The following KIAA1328 variants were observed in gnomAD, a reference collection of about 807,000 sequenced individuals.
KIAA1328 encodes the protein KIAA1328.
KIAA1328 carries 52 observed loss-of-function variants against 68.1 expected under a neutral mutation model. The observed-to-expected ratio is 0.76, with a 90% CI of 0.61 to 0.96. The LOEUF (loss-of-function observed/expected upper bound fraction) is 0.96. Ranked by LOEUF, KIAA1328 falls within the 40% of genes least tolerant of loss-of-function variation. KIAA1328 has a pLI of 0.00. For synonymous variants in KIAA1328, 232 were observed against 239.4 expected, an observed-to-expected ratio of 0.97 and a Z score of 0.28; for missense variants, 641 against 677.6, an observed-to-expected ratio of 0.95 and a Z score of 0.60.
chr18:36,971,454 AC>A (rs1404780856), intron 6 of KIAA1328, among the ~76,000 whole-genome samples: 1 of 152,114 alleles, frequency 6.6e-6, no homozygotes, highest in East Asian at 1.9e-4. Context: ...ACATGGTGAA[AC>A]CCTGTCTCTA....
intron 6 of KIAA1328, among the ~76,000 whole-genome samples, chr18:37,006,119 T>C (rs936185240): frequency 2.6e-5 from 4 of 152,114 alleles, no homozygotes; most frequent in African/African-American, 9.7e-5. Flanking sequence ...ACACTAGGCA[T>C]TATATATGCA....
chr18:37,097,748 A>C (rs912896382), intron 7 of KIAA1328, among the ~76,000 whole-genome samples: 11 of 152,010 alleles, frequency 7.2e-5, no homozygotes, highest in Admixed American at 2.0e-4. Context: ...CTTTTATTTC[A>C]TTGAGCAGTG....
intron 9 of KIAA1328, among the ~76,000 whole-genome samples, chr18:37,194,617 CTG>C (rs1430175648): frequency 6.6e-6 from 1 of 152,114 alleles, no homozygotes; most frequent in Non-Finnish European, 1.5e-5. Flanking sequence ...TTATTTCACT[CTG>C]CATCTATTCC....
rs562582643 is a variant in KIAA1328, at chr18:37,101,844, G to A, written c.1232+34299G>A. 4.6e-5 allele frequency among the ~76,000 whole-genome samples: 7 copies of A among 152,322 alleles called. No homozygotes were observed. The South Asian group carries it at 1.2e-3, about 27-fold the overall frequency. ...TGGGCAGAAACTCTACAAGCCAGAC[G>A]AGAGTGGGGGCCAATATTCAACATT... On this transcript the variant is annotated intron_variant, in intron 7 of 9. Transcript: ENST00000280020.
intron 7 of KIAA1328, 39 bp downstream of exon 7, chr18:37,067,584 G>C: frequency 2.8e-6 from 4 of 1,433,274 alleles, no homozygotes; most frequent in Non-Finnish European, 3.6e-6. Context: ...TTTTTGAGAC[G>C]AAATCTCGCC....
At chr18:36,895,731 C>T (rs1298888868) in intron 5 of KIAA1328, 2 of 455,900 alleles carry the variant, frequency 4.4e-6, no homozygotes, top group South Asian at 1.6e-5. Context: ...GAAGCTCTAA[C>T]CCCCAGTGAG....
At chr18:36,964,258 A>G (rs1188955493) in intron 6 of KIAA1328, among the ~76,000 whole-genome samples, 1 of 152,222 alleles carries the variant, frequency 6.6e-6, no homozygotes, top group Non-Finnish European at 1.5e-5. Context: ...TATGCTAGAG[A>G]TGGTGGGCAA....
At chr18:36,843,828 G>A (rs1459650666) in intron 3 of KIAA1328, among the ~76,000 whole-genome samples, 1 of 152,134 alleles carries the variant, frequency 6.6e-6, no homozygotes, top group Admixed American at 6.6e-5. Context: ...AGTAACTGGT[G>A]CCTCTGCTGC....
chr18:37,042,333 A>C (rs1388772211), intron 6 of KIAA1328, among the ~76,000 whole-genome samples: 2 of 152,162 alleles, frequency 1.3e-5, no homozygotes, highest in Admixed American at 6.5e-5. Flanking sequence ...ATTTCTGTAG[A>C]CTCAAGTAAC....
At chr18:37,092,366 G>T (rs543200697) in intron 7 of KIAA1328, among the ~76,000 whole-genome samples, 2 of 152,122 alleles carry the variant, frequency 1.3e-5, no homozygotes, top group South Asian at 4.2e-4. Context: ...TTGTCAGCCT[G>T]TGTATTGACC....
At chr18:37,016,853 C>T (rs1158879124) in intron 6 of KIAA1328, among the ~76,000 whole-genome samples, 1 of 152,052 alleles carries the variant, frequency 6.6e-6, no homozygotes, top group Non-Finnish European at 1.5e-5. Flanking sequence ...TGGATCTTCT[C>T]TCTTCTTTTC....
intron 7 of KIAA1328, among the ~76,000 whole-genome samples, chr18:37,154,219 G>A (rs952302992): frequency 2.6e-5 from 4 of 152,158 alleles, no homozygotes; most frequent in African/African-American, 9.7e-5. Context: ...ACCCTAGACT[G>A]ATTAATTCAG....
chr18:37,215,915 G>T (rs902422059), intron 9 of KIAA1328, among the ~76,000 whole-genome samples: 5 of 152,282 alleles, frequency 3.3e-5, no homozygotes, highest in Admixed American at 2.0e-4. Flanking sequence ...ATTTCTTGTA[G>T]ATTTTCTAGT....
At chr18:36,904,883 A>G (rs954596589) in intron 5 of KIAA1328, among the ~76,000 whole-genome samples, 3 of 151,900 alleles carry the variant, frequency 2.0e-5, no homozygotes, top group Non-Finnish European at 4.4e-5. Context: ...TTCTGTATTT[A>G]GTGGTTGCTG....
chr18:36,895,414 G>A (rs1186985437), intron 5 of KIAA1328, among the ~76,000 whole-genome samples: 3 of 152,204 alleles, frequency 2.0e-5, no homozygotes, highest in Non-Finnish European at 4.4e-5. Flanking sequence ...GGGCGTCTAT[G>A]TGAAGGGATG....
At chr18:36,949,714 G>A (rs1386693235) in intron 5 of KIAA1328, among the ~76,000 whole-genome samples, 2 of 149,968 alleles carry the variant, frequency 1.3e-5, no homozygotes, top group Non-Finnish European at 2.9e-5. Context: ...CGTGGCTCAT[G>A]TTTTTGTTCA....
chr18:36,843,193 G>A (rs894807084), intron 3 of KIAA1328, among the ~76,000 whole-genome samples: 4 of 151,512 alleles, frequency 2.6e-5, no homozygotes, highest in Non-Finnish European at 5.9e-5. Context: ...CTGCCTAGAC[G>A]TTTGCACATG....
intron 4 of KIAA1328, among the ~76,000 whole-genome samples, chr18:36,879,337 G>A (rs1052786496): frequency 2.0e-5 from 3 of 152,142 alleles, no homozygotes; most frequent in Admixed American, 2.0e-4. Context: ...ATTTGTCTGG[G>A]TATCACCAGC....
intron 5 of KIAA1328, among the ~76,000 whole-genome samples, chr18:36,889,419 T>C (rs1202090161): frequency 6.6e-6 from 1 of 152,236 alleles, no homozygotes; most frequent in African/African-American, 2.4e-5. Flanking sequence ...CTAGAACATA[T>C]GACTCAGATC....
Sources: allele counts gnomAD v4.1 joint callset (sites outside exome capture counted in the v4.1 genomes callset), GRCh38; gene constraint gnomAD v4.1.1; transcripts MANE v1.5; gene names NCBI Gene and HGNC (gene_info 2026-07-23, HGNC 2026-07-21).